The following ERN1 variants were observed in gnomAD, a reference collection of about 807,000 sequenced individuals.
ERN1 encodes the protein endoplasmic reticulum to nucleus signaling 1.
Under a neutral mutation model 113.1 loss-of-function variants are expected in ERN1, and 39 were observed. The ratio of observed to expected loss-of-function variants is 0.34; its 90% CI spans 0.27 to 0.45. The LOEUF (loss-of-function observed/expected upper bound fraction) is 0.45, where lower values mean the gene tolerates loss of function less well. Ranked by LOEUF, ERN1 falls within the 20% of genes least tolerant of loss-of-function variation. The pLI, the probability that ERN1 is intolerant of heterozygous loss-of-function variation, is 1.00. For synonymous variants in ERN1, 507 were observed against 515.9 expected (o/e 0.98, Z 0.23); for missense variants, 976 against 1,274.8 (o/e 0.77, Z 3.57).
In ERN1 at chr17:64,055,743, T is replaced by G. The variant is rs759099512; in HGVS notation, c.1604A>C (p.His535Pro). Residue 535 changes from histidine (H) to proline (P), a missense_variant, in exon 13 of 22, where the codon CAC (histidine) becomes CCC (proline). Physicochemically the swap from His to Pro is moderately conservative, Grantham distance 77 (BLOSUM62 -2). Around this residue, in one of 5 missense-constraint regions of ERN1, gnomAD observed 112 missense variants for 106.2 expected, o/e 1.05. Transcript: ENST00000433197. ...GGCAGAGCTGCCGGAGCAGAGCGAG[T>G]GGTTGGAGGCCCTGGGGGACGTGCT... The part of the protein sequence containing the change: ...SPSTSPRASN[H>P]SLCSGSSASK... 3 of 1,610,836 alleles carry G rather than the reference T, an allele frequency of 1.9e-6. No homozygotes were observed. In the South Asian group the frequency reaches 3.3e-5, roughly 18 times the overall value.
At position 64,063,868 on chromosome 17, in the gene ERN1, A is replaced by G. The variant is rs1289277666; in HGVS notation, c.1087+118T>C. 1 of 881,946 alleles carries G rather than the reference A, an allele frequency of 1.1e-6. No homozygotes were observed. Among genetic ancestry groups the G allele is most frequent in the Non-Finnish European group, 1.7e-6 (1 of 575,548 alleles). 54.6% of individuals were successfully genotyped at this position (881,946 alleles called of 1,614,324 possible). On this transcript the variant is annotated intron_variant, in intron 10 of 21. Coordinates refer to ENST00000433197, the MANE Select transcript of ERN1 (RefSeq NM_001433.5). The surrounding 1 kb of genome is among the most constrained non-coding windows in gnomAD (Gnocchi z 5.1). ...CCCAAGGTCTCAGGGGCCAGCCGGG[A>G]AGGGCTCTGAGCACAAGGCCTTCCG...
intron 1 of ERN1, among the ~76,000 whole-genome samples, chr17:64,125,191 T>C (rs1915048468): frequency 6.6e-6 from 1 of 152,222 alleles, no homozygotes; most frequent in Non-Finnish European, 1.5e-5. Flanking sequence ...GAAAATAAGA[T>C]AATAGAAGGC....
intron 1 of ERN1, among the ~76,000 whole-genome samples, chr17:64,116,401 T>C (rs1391937275): frequency 6.6e-6 from 1 of 152,152 alleles, no homozygotes; most frequent in Admixed American, 6.5e-5. Context: ...ATAAACTTGT[T>C]CTTAATCTCC....
At chr17:64,064,206 G>C (rs1913146435) in intron 9 of ERN1, 55 bp from the exon 10 acceptor site, 2 of 1,516,760 alleles carry the variant, frequency 1.3e-6, no homozygotes, top group South Asian at 1.2e-5. Context: ...CGGGTCCCAC[G>C]GCACACCATC....
chr17:64,086,637 C>CTTTTTTTTTTTTTTT lies in ERN1; in HGVS notation c.176-5844_176-5830dup, dbSNP rs773655917. Among the ~76,000 whole-genome samples, 23 of 47,600 alleles carry CTTTTTTTTTTTTTTT rather than the reference C, an allele frequency of 4.8e-4. 9 individuals are homozygous for CTTTTTTTTTTTTTTT. Among genetic ancestry groups the CTTTTTTTTTTTTTTT allele is most frequent in the Admixed American group, 7.5e-4 (2 of 2,666 alleles). The allele number at this position is 47,600 out of a possible 152,430, so 31.2% of individuals were successfully genotyped here. ...CATTTCTTTTTTTTTCTTTTCTTTCCTTTTTTTTTTTTTTTTTTTTTTTTT... is the reference window on the plus strand; with the variant it reads ...CATTTCTTTTTTTTTCTTTTCTTTCCTTTTTTTTTTTTTTTTTTTTTTTTTTTTTTTTTTTTTTTT... On this transcript the variant is annotated intron_variant, in intron 2 of 21. Transcript: ENST00000433197.
At chr17:64,048,101 T>C in intron 18 of ERN1, 116 bp from the exon 19 acceptor site, 1 of 985,222 alleles carries the variant, frequency 1.0e-6, no homozygotes, top group South Asian at 2.0e-5. Context: ...CAGGAATTTA[T>C]TCCAATAAAA....
chr17:64,044,105 G>A lies in ERN1; in HGVS notation c.2817C>T (p.His939=). The A allele has an allele frequency of 2.5e-6, 4 of 1,612,954 alleles. No homozygotes were observed. The highest frequency in any genetic ancestry group is 3.4e-6 in the Non-Finnish European group (4 of 1,179,344). ...FVCYFTSRFP[H]LLAHTYRAME... Reference sequence around the variant, plus strand: ...TGGCCCGGTAGGTGTGTGCGAGGAGGTGGGGGAAGCGAGATGTGAAGTAGC... The same window carrying A: ...TGGCCCGGTAGGTGTGTGCGAGGAGATGGGGGAAGCGAGATGTGAAGTAGC... The change falls in exon 22 of 22, where the codon CAC becomes CAT. Residue 939 remains histidine, a synonymous_variant. Coordinates refer to ENST00000433197, the MANE Select transcript of ERN1 (RefSeq NM_001433.5). The surrounding 1 kb of genome is among the most constrained non-coding windows in gnomAD (Gnocchi z 4.1).
At chr17:64,072,133 T>C in intron 5 of ERN1, 30 bp from the exon 6 acceptor site, 1 of 1,610,558 alleles carries the variant, frequency 6.2e-7, no homozygotes, top group South Asian at 1.1e-5. Flanking sequence ...CATCGTCGTT[T>C]ACACCATATG....
intron 2 of ERN1, among the ~76,000 whole-genome samples, chr17:64,087,923 G>A (rs62073077): frequency 0.06 from 9,208 of 152,202 alleles, 286 homozygotes; most frequent in Non-Finnish European, 0.072. Flanking sequence ...GGCAAAATTC[G>A]TGAGGGCCTG....
At chr17:64,102,712 T>G (rs151007382) in intron 1 of ERN1, 1 of 985,314 alleles carries the variant, frequency 1.0e-6, no homozygotes, top group Admixed American at 6.1e-5. Context: ...GATGAACTTG[T>G]GCCTTGTCTT....
chr17:64,106,592 G>C (rs186135499), intron 1 of ERN1, among the ~76,000 whole-genome samples: 2 of 152,306 alleles, frequency 1.3e-5, no homozygotes, highest in Admixed American at 6.5e-5. Context: ...ATGGCAAATA[G>C]ACTGGATTAT....
At position 64,042,348 on chromosome 17, in the gene ERN1, T is replaced by C. The variant is rs1912367079; in HGVS notation, c.*1640A>G. The C allele has an allele frequency of 6.6e-6, 1 of 152,314 alleles. No homozygotes were observed. The highest frequency in any genetic ancestry group is 2.4e-5 in the African/African-American group (1 of 41,554). The allele number at this position is 152,314 out of a possible 1,614,324, so 9.4% of individuals were successfully genotyped here. On this transcript the variant is annotated 3_prime_UTR_variant, in exon 22 of 22. Coordinates refer to ENST00000433197, the MANE Select transcript of ERN1 (RefSeq NM_001433.5). The stretch of plus-strand genomic sequence containing the variant: ...TAGTAGGGAAAAAAGTCACTTTAGC[T>C]ATGATGAAAGGAAGGGAACTGAATT...
intron 17 of ERN1, among the ~76,000 whole-genome samples, chr17:64,051,542 C>T (rs1912684252): frequency 6.6e-6 from 1 of 152,174 alleles, no homozygotes; most frequent in Non-Finnish European, 1.5e-5. Context: ...CTTCTGGTTT[C>T]CAGGAAATAC....
intron 1 of ERN1, among the ~76,000 whole-genome samples, chr17:64,119,651 CA>C (rs1172898474): frequency 6.6e-6 from 1 of 152,004 alleles, no homozygotes; most frequent in Non-Finnish European, 1.5e-5. Flanking sequence ...CTCAGCCTCC[CA>C]AAGTGCTGGG....
rs752673467 is a variant in ERN1, at chr17:64,052,986, G to A, written c.2054-7C>T. 6.2e-7 allele frequency: 1 copy of A among 1,602,422 alleles called. No homozygotes were observed. The highest frequency in any genetic ancestry group is 1.1e-5 in the South Asian group (1 of 89,568). ...GGCTTTAGGTCTCTGTGAACTAACA[G>A]AGAACTCCAGATTAGTCCAATGCTT... On this transcript the variant is annotated splice_polypyrimidine_tract_variant and splice_region_variant and intron_variant, in intron 16 of 21. Coordinates refer to ENST00000433197, the MANE Select transcript of ERN1 (RefSeq NM_001433.5).
intron 6 of ERN1, among the ~76,000 whole-genome samples, 179 bp from the exon 7 acceptor site, chr17:64,068,470 T>A (rs1158336853): frequency 6.6e-6 from 1 of 152,002 alleles, no homozygotes; most frequent in Non-Finnish European, 1.5e-5. Flanking sequence ...GACACATGAG[T>A]GAAACTGGCT....
At chr17:64,126,379 G>T (rs1249348381) in intron 1 of ERN1, among the ~76,000 whole-genome samples, 1 of 152,054 alleles carries the variant, frequency 6.6e-6, no homozygotes, top group South Asian at 2.1e-4. Flanking sequence ...GTTATCCAAG[G>T]ATTCTTTCAC....
At chr17:64,116,037 T>A (rs1455445611) in intron 1 of ERN1, among the ~76,000 whole-genome samples, 1 of 152,206 alleles carries the variant, frequency 6.6e-6, no homozygotes, top group Non-Finnish European at 1.5e-5. Flanking sequence ...TCTAAGTGTC[T>A]CCGCTTATCT....
chr17:64,075,026 G>T, intron 5 of ERN1, 149 bp downstream of exon 5: 1 of 660,456 alleles, frequency 1.5e-6, no homozygotes, highest in South Asian at 1.8e-5. Context: ...TTGGTCAGCT[G>T]ATCCTGGGGA....
Sources: gnomAD v4.1 joint callset for allele counts (sites outside exome capture counted in the v4.1 genomes callset) on GRCh38, gnomAD v4.1.1 for gene constraint, gnomAD v4.1.1 regional missense constraint, Gnocchi (gnomAD v3.1) non-coding constraint, MANE v1.5 for transcripts, NCBI Gene and HGNC (gene_info 2026-07-23, HGNC 2026-07-21) for gene names.